ZNF804B: variants seen among roughly 807,000 people sequenced by gnomAD.
ZNF804B encodes the protein zinc finger protein 804B, also known as zinc finger 804B.
Under a neutral mutation model 101.4 loss-of-function variants are expected in ZNF804B, and 80 were observed. The ratio of observed to expected loss-of-function variants is 0.79; its 90% confidence interval spans 0.66 to 0.95. The LOEUF is 0.95. ZNF804B is among the 40% of genes least tolerant of loss of function. The pLI is 0.00. For missense variants in ZNF804B, 1,673 were observed against 1,561.9 expected (o/e 1.07, Z -1.20); for synonymous variants, 622 against 558.8 (o/e 1.11, Z -1.59).
intron 1 of ZNF804B, among the ~76,000 whole-genome samples, chr7:89,099,760 T>G (rs928838906): frequency 2.0e-5 from 3 of 152,134 alleles, no homozygotes; most frequent in Non-Finnish European, 4.4e-5. Flanking sequence ...CAAACTTTAG[T>G]TCTAGAAGTA....
At chr7:88,929,852 T>A (rs1242590210) in intron 1 of ZNF804B, among the ~76,000 whole-genome samples, 3 of 151,986 alleles carry the variant, frequency 2.0e-5, no homozygotes, top group South Asian at 2.1e-4. Context: ...TCCAACTCAT[T>A]TGTAAATATC....
intron 1 of ZNF804B, among the ~76,000 whole-genome samples, chr7:88,786,057 A>G (rs1442567957): frequency 6.6e-6 from 1 of 152,110 alleles, no homozygotes; most frequent in Non-Finnish European, 1.5e-5. Context: ...TTTGCTTATG[A>G]TTGTACCCCT....
At chr7:89,050,711 T>C (rs759039652) in intron 1 of ZNF804B, among the ~76,000 whole-genome samples, 2 of 152,144 alleles carry the variant, frequency 1.3e-5, no homozygotes, top group African/African-American at 2.4e-5. Context: ...TTTCTTCCTC[T>C]TTCTGCTTTT....
intron 1 of ZNF804B, among the ~76,000 whole-genome samples, chr7:89,119,405 C>A (rs1459402263): frequency 6.6e-6 from 1 of 152,170 alleles, no homozygotes; most frequent in Non-Finnish European, 1.5e-5. Flanking sequence ...TCTATTTGGC[C>A]AGTTTAGAAA....
chr7:88,932,092 A>G (rs1183906496), intron 1 of ZNF804B, among the ~76,000 whole-genome samples: 2 of 151,920 alleles, frequency 1.3e-5, no homozygotes, highest in Admixed American at 1.3e-4. Flanking sequence ...AAGGAAATGA[A>G]GAAATGATTA....
intron 1 of ZNF804B, among the ~76,000 whole-genome samples, chr7:88,890,730 G>T (rs543461956): frequency 1.3e-5 from 2 of 152,158 alleles, no homozygotes; most frequent in East Asian, 3.9e-4. Context: ...ACATATAACT[G>T]CATGTTCTTA....
chr7:89,045,609 T>C (rs964703090), intron 1 of ZNF804B, among the ~76,000 whole-genome samples: 1 of 152,172 alleles, frequency 6.6e-6, no homozygotes, highest in Non-Finnish European at 1.5e-5. Context: ...TCCAAGGAGA[T>C]CATTTTGGAA....
intron 1 of ZNF804B, among the ~76,000 whole-genome samples, chr7:89,166,374 A>G (rs1400875993): frequency 2.0e-5 from 3 of 152,190 alleles, no homozygotes; most frequent in African/African-American, 7.2e-5. Flanking sequence ...ATAACAATAT[A>G]TTAACACATA....
At chr7:89,027,917 T>A (rs1209217893) in intron 1 of ZNF804B, among the ~76,000 whole-genome samples, 2 of 152,172 alleles carry the variant, frequency 1.3e-5, no homozygotes, top group Admixed American at 1.3e-4. Flanking sequence ...GTTGGTCATC[T>A]CCTTGTTTGC....
intron 1 of ZNF804B, among the ~76,000 whole-genome samples, chr7:88,843,156 AT>A: frequency 6.6e-6 from 1 of 152,172 alleles, no homozygotes; most frequent in Non-Finnish European, 1.5e-5. Context: ...AACATTTGAA[AT>A]TGTATTATTG....
chr7:89,318,482 G>A (rs915028677), intron 2 of ZNF804B, among the ~76,000 whole-genome samples: 1 of 152,180 alleles, frequency 6.6e-6, no homozygotes, highest in South Asian at 2.1e-4. Flanking sequence ...GGCAATTTTA[G>A]CCAGGCACAA....
At chr7:89,265,806 G>A (rs1489042051) in intron 2 of ZNF804B, among the ~76,000 whole-genome samples, 1 of 152,164 alleles carries the variant, frequency 6.6e-6, no homozygotes, top group Non-Finnish European at 1.5e-5. Context: ...CACCATCTGT[G>A]TGTTTCTTGA....
At chr7:89,256,977 C>CT (rs1789640723) in intron 2 of ZNF804B, among the ~76,000 whole-genome samples, 1 of 152,070 alleles carries the variant, frequency 6.6e-6, no homozygotes, top group Non-Finnish European at 1.5e-5. Context: ...AGAATTAAAA[C>CT]TTTTTTAAAA....
At chr7:88,767,102 T>A (rs1562788141) in intron 1 of ZNF804B, among the ~76,000 whole-genome samples, 1 of 152,170 alleles carries the variant, frequency 6.6e-6, no homozygotes, top group Non-Finnish European at 1.5e-5. Context: ...TTTCAGCATC[T>A]TTTTTTGGTT....
intron 1 of ZNF804B, among the ~76,000 whole-genome samples, chr7:88,874,479 T>A: frequency 6.6e-6 from 1 of 152,086 alleles, no homozygotes; most frequent in African/African-American, 2.4e-5. Flanking sequence ...TCCTGCCTAA[T>A]TGCCCTGGCT....
chr7:89,063,572 G>A (rs1415111808), intron 1 of ZNF804B, among the ~76,000 whole-genome samples: 1 of 151,732 alleles, frequency 6.6e-6, no homozygotes, highest in South Asian at 2.1e-4. Context: ...TGGGAAACTG[G>A]GGGAAGCAAA....
intron 1 of ZNF804B, among the ~76,000 whole-genome samples, chr7:88,792,150 A>G (rs570281702): frequency 1.3e-5 from 2 of 152,082 alleles, no homozygotes; most frequent in African/African-American, 4.8e-5. Context: ...GATCACACGG[A>G]ATAACTTCTT....
chr7:88,854,387 ATTTC>A (rs1214109627), intron 1 of ZNF804B, among the ~76,000 whole-genome samples: 56 of 109,260 alleles, frequency 5.1e-4, no homozygotes, highest in Admixed American at 9.4e-4. Context: ...TCTGTACTGC[ATTTC>A]TTTCTTTCTT....
At chr7:88,974,243 C>A (rs985844297) in intron 1 of ZNF804B, among the ~76,000 whole-genome samples, 1 of 149,996 alleles carries the variant, frequency 6.7e-6, no homozygotes, top group Non-Finnish European at 1.5e-5. Flanking sequence ...TATGTAAATA[C>A]ATATATATGA....
Sources: allele counts gnomAD v4.1 joint callset (sites outside exome capture counted in the v4.1 genomes callset), GRCh38; gene constraint gnomAD v4.1.1; transcripts MANE v1.5; gene names NCBI Gene and HGNC (gene_info 2026-07-23, HGNC 2026-07-21).